Variants in CACNB4 observed in about 807,000 individuals in gnomAD.
The protein encoded by CACNB4 is voltage-dependent L-type calcium channel subunit beta-4.
A neutral mutation model predicts 71.2 loss-of-function variants in CACNB4; 32 were observed. That is an observed-to-expected ratio of 0.45 (90% CI 0.34 to 0.60). CACNB4 has a LOEUF of 0.60. CACNB4 is among the 20% of genes least tolerant of loss of function. The pLI, the probability that CACNB4 is intolerant of heterozygous loss-of-function variation, is 0.01. For synonymous variants in CACNB4, 231 were observed against 236.9 expected (o/e 0.97, Z 0.23); for missense variants, 464 against 647.9 (o/e 0.72, Z 3.08).
Position 152,098,153 on chromosome 2 carries a change from G to C in CACNB4, c.147+177C>G, listed in dbSNP as rs1023086384. On this transcript the variant is annotated intron_variant, in intron 2 of 13. Transcript: ENST00000539935. This position sits in a 1 kb window ranked among gnomAD's most constrained non-coding sequence, Gnocchi z 5.3. ...TGCGGAGACGCCGGGACGCGAAGAC[G>C]TCAAGAGCCCAGGCTAGAGGGAGAG... Among the ~76,000 whole-genome samples, 1 of 152,228 alleles carries C rather than the reference G, an allele frequency of 6.6e-6. No individual in the cohort carries two copies. The highest frequency in any genetic ancestry group is 1.5e-5 in the Non-Finnish European group (1 of 68,036).
chr2:152,027,852 CAAAAAAAAAAAAA>C (rs5835403), intron 2 of CACNB4, among the ~76,000 whole-genome samples: 2 of 76,212 alleles, frequency 2.6e-5, no homozygotes, highest in African/African-American at 5.3e-5. Flanking sequence ...GACTCCGTCT[CAAAAAAAAAAAAA>C]AAAAAAAAAA....
chr2:152,029,027 A>G (rs1459994442), intron 2 of CACNB4, among the ~76,000 whole-genome samples: 2 of 152,228 alleles, frequency 1.3e-5, no homozygotes, highest in African/African-American at 2.4e-5. Flanking sequence ...TGACATGGAA[A>G]CAAAGGCATG....
At chr2:151,913,624 G>A (rs997437769) in intron 2 of CACNB4, among the ~76,000 whole-genome samples, 1 of 151,922 alleles carries the variant, frequency 6.6e-6, no homozygotes, top group Non-Finnish European at 1.5e-5. Flanking sequence ...AAAATCGCCA[G>A]GGGTGGTGAT....
chr2:152,068,080 G>A (rs776489051), intron 2 of CACNB4, among the ~76,000 whole-genome samples: 3 of 152,204 alleles, frequency 2.0e-5, no homozygotes, highest in Non-Finnish European at 4.4e-5. Context: ...TGAAAGACCT[G>A]CAAAGGAAAA....
chr2:152,057,911 T>C (rs957397217), intron 2 of CACNB4, among the ~76,000 whole-genome samples: 4 of 152,180 alleles, frequency 2.6e-5, no homozygotes, highest in African/African-American at 7.2e-5. Flanking sequence ...CCAAATCTCA[T>C]CTTGAATCGT....
rs1054806335 is a variant in CACNB4, at chr2:151,948,670, GA to G, written c.148-65301del. Among the ~76,000 whole-genome samples, 268 of 145,476 alleles carry G rather than the reference GA, an allele frequency of 1.8e-3. 1 individual carries two copies. The highest frequency in any genetic ancestry group is 6.0e-3 in the African/African-American group (238 of 39,732). ...AGTGAGATCCTGTCAAAAAAAAAAA[GA>G]AAAAAAGTCTAAAATGACAGATGTA... On this transcript the variant is annotated intron_variant, in intron 2 of 13. Transcript: ENST00000539935.
At chr2:151,901,288 A>G (rs944703545) in intron 2 of CACNB4, among the ~76,000 whole-genome samples, 3 of 151,996 alleles carry the variant, frequency 2.0e-5, no homozygotes, top group African/African-American at 4.8e-5. Flanking sequence ...TGGCCTTTTC[A>G]TGATTTTTTT....
At chr2:151,906,417 A>G (rs1005178227) in intron 2 of CACNB4, among the ~76,000 whole-genome samples, 1 of 152,202 alleles carries the variant, frequency 6.6e-6, no homozygotes, top group Non-Finnish European at 1.5e-5. Flanking sequence ...TAGTACCTAT[A>G]TAAACTTTAA....
At chr2:151,994,232 C>T (rs1309965677) in intron 2 of CACNB4, among the ~76,000 whole-genome samples, 1 of 151,880 alleles carries the variant, frequency 6.6e-6, no homozygotes, top group Non-Finnish European at 1.5e-5. Flanking sequence ...AAAAAGGGTC[C>T]CTTTTCTTTT....
chr2:151,891,197 C>T (rs535368822), intron 2 of CACNB4, among the ~76,000 whole-genome samples: 5 of 152,190 alleles, frequency 3.3e-5, no homozygotes, highest in African/African-American at 1.2e-4. Context: ...GCTATAATTG[C>T]CCTGATTTCA....
intron 6 of CACNB4, chr2:151,871,383 T>C (rs2099844586): frequency 6.5e-6 from 1 of 153,322 alleles, no homozygotes; most frequent in African/African-American, 2.4e-5. Flanking sequence ...TGCTTCTAAA[T>C]TTCAAATACA....
chr2:151,875,240 C>T (rs2099845683), intron 5 of CACNB4, among the ~76,000 whole-genome samples: 1 of 147,984 alleles, frequency 6.8e-6, no homozygotes. Flanking sequence ...CAAAGCACAT[C>T]TTGCACCGCC....
chr2:151,869,326 T>A (rs1258773090), intron 8 of CACNB4, 91 bp from the exon 9 acceptor site: 1 of 762,972 alleles, frequency 1.3e-6, no homozygotes, highest in Non-Finnish European at 2.3e-6. Context: ...GGAAGGGTAC[T>A]ATGAGCCAAG....
intron 12 of CACNB4, chr2:151,851,053 T>C (rs2099838958): frequency 6.6e-6 from 1 of 152,228 alleles, no homozygotes; most frequent in Non-Finnish European, 1.5e-5. Context: ...GCCAATGTAA[T>C]TTGCTGACTT....
chr2:151,914,600 G>A (rs531220414), intron 2 of CACNB4, among the ~76,000 whole-genome samples: 33 of 152,166 alleles, frequency 2.2e-4, no homozygotes, highest in Non-Finnish European at 3.8e-4. Context: ...TCTCATCTTT[G>A]TGAGTTTGTC....
At chr2:152,012,460 C>T (rs1018111416) in intron 2 of CACNB4, among the ~76,000 whole-genome samples, 4 of 151,892 alleles carry the variant, frequency 2.6e-5, no homozygotes, top group African/African-American at 4.8e-5. Flanking sequence ...AAAAATTAGC[C>T]GGGCGTGGCG....
chr2:152,051,216 C>T (rs549579286), intron 2 of CACNB4, among the ~76,000 whole-genome samples: 127 of 152,296 alleles, frequency 8.3e-4, no homozygotes, highest in African/African-American at 2.8e-3. Context: ...CCCTACCCAG[C>T]GGCCCAGCTT....
intron 2 of CACNB4, among the ~76,000 whole-genome samples, chr2:151,917,705 A>C (rs752820822): frequency 7.9e-5 from 12 of 151,920 alleles, no homozygotes; most frequent in Admixed American, 3.3e-4. Context: ...GCATGGTGGC[A>C]GGTGCCTGTA....
chr2:151,890,830 T>C (rs1443780450), intron 2 of CACNB4, among the ~76,000 whole-genome samples: 3 of 152,194 alleles, frequency 2.0e-5, no homozygotes, highest in Admixed American at 6.5e-5. Context: ...CTACCAAGGT[T>C]TTGGTTTGTG....
Sources: allele counts gnomAD v4.1 joint callset (sites outside exome capture counted in the v4.1 genomes callset), GRCh38; gene constraint gnomAD v4.1.1; non-coding constraint Gnocchi (gnomAD v3.1); transcripts MANE v1.5; gene names NCBI Gene and HGNC (gene_info 2026-07-23, HGNC 2026-07-21).